KLF17: variants seen among roughly 807,000 people sequenced by gnomAD.
The protein encoded by KLF17 is KLF transcription factor 17, also known as Krueppel-like factor 17.
Under a neutral mutation model 34.2 loss-of-function variants are expected in KLF17, and 31 were observed. The ratio of observed to expected loss-of-function variants is 0.91; its 90% CI spans 0.68 to 1.22. The LOEUF (loss-of-function observed/expected upper bound fraction) is 1.22, where lower values mean the gene tolerates loss of function less well. Ranked by LOEUF, KLF17 falls within the 50% of genes most tolerant of loss-of-function variation. The pLI is 0.00. For missense variants in KLF17, 478 were observed against 505.2 expected (o/e 0.95, Z 0.52); for synonymous variants, 179 against 186.7 (o/e 0.96, Z 0.34).
the KLF17 span, among the ~76,000 whole-genome samples, chr1:44,080,404 A>C: frequency 6.7e-6 from 1 of 150,170 alleles, no homozygotes; most frequent in Admixed American, 6.6e-5. Context: ...ACCCCTGGCT[A>C]ATTTTTTATA....
the KLF17 span, chr1:44,103,715 G>C: frequency 2.0e-6 from 3 of 1,537,760 alleles, no homozygotes; most frequent in Non-Finnish European, 2.7e-6. Flanking sequence ...CCTCCAGCTC[G>C]GACAGCTTGG....
chr1:44,065,285 C>T, the KLF17 span, among the ~76,000 whole-genome samples: 1 of 142,340 alleles, frequency 7.0e-6, no homozygotes, highest in Non-Finnish European at 1.5e-5. Flanking sequence ...GAGACTCCAT[C>T]TAAAAAAAAA....
rs1044870557 is a variant in KLF17 at position 44,130,501 on chromosome 1, G to A, written c.926-11G>A. On this transcript the variant is annotated splice_polypyrimidine_tract_variant and intron_variant, in intron 2 of 3. Coordinates refer to ENST00000372299, the MANE Select transcript of KLF17 (RefSeq NM_173484.4). ...GTATTCTAAATTCCATCTCTCCCTT[G>A]TCATTCCCAGGTGAGAGGCCATATT... 1.9e-6 allele frequency: 3 copies of A among 1,613,834 alleles called. No individual in the cohort carries two copies. In the African/African-American group the frequency reaches 4.0e-5, roughly 22 times the overall value.
chr1:44,133,127 A>G (rs1445558522), intron 3 of KLF17, 111 bp from the exon 4 acceptor site: 2 of 152,272 alleles, frequency 1.3e-5, no homozygotes, highest in Admixed American at 1.3e-4. Context: ...GCCATGGGGA[A>G]GAGGAGCCCC....
chr1:44,095,142 C>T, the KLF17 span, among the ~76,000 whole-genome samples: 1 of 151,380 alleles, frequency 6.6e-6, no homozygotes, highest in South Asian at 2.1e-4. Context: ...ACCTCATGAT[C>T]CGCCCGCCTC....
the KLF17 span, among the ~76,000 whole-genome samples, chr1:44,093,949 G>A: frequency 6.6e-6 from 1 of 152,204 alleles, no homozygotes; most frequent in Non-Finnish European, 1.5e-5. Flanking sequence ...TGAAATGGAA[G>A]ACAGAGAAGA....
chr1:44,099,551 A>AGGTGAATCAGGAGTCGGGAGGCCAAGGCG, the KLF17 span, among the ~76,000 whole-genome samples: 1 of 150,608 alleles, frequency 6.6e-6, no homozygotes, highest in Non-Finnish European at 1.5e-5. Context: ...AGGCCAAGGC[A>AGGTGAATCAGGAGTCGGGAGGCCAAGGCG]GGTGAATCAG....
chr1:44,047,992 T>C, the KLF17 span: 2 of 129,134 alleles, frequency 1.5e-5, no homozygotes, highest in Admixed American at 7.7e-5. Flanking sequence ...TAAGAGAACA[T>C]TGTGTGTGTA....
At chr1:44,105,888 G>A in the KLF17 span, among the ~76,000 whole-genome samples, 5 of 152,132 alleles carry the variant, frequency 3.3e-5, no homozygotes, top group African/African-American at 1.2e-4. Flanking sequence ...CTGCAGCCAG[G>A]TTCAGTGGCT....
chr1:44,122,576 G>T (rs907230049), intron 1 of KLF17: 36 of 751,424 alleles, frequency 4.8e-5, no homozygotes, highest in Non-Finnish European at 8.0e-5. Context: ...AATACTGACC[G>T]ACTGCAGTAT....
chr1:44,124,147 T>C (rs2087980754), intron 1 of KLF17, among the ~76,000 whole-genome samples: 1 of 152,146 alleles, frequency 6.6e-6, no homozygotes, highest in African/African-American at 2.4e-5. Context: ...GGATCATGTT[T>C]TTAATCCATT....
At chr1:44,079,251 A>T in the KLF17 span, among the ~76,000 whole-genome samples, 1 of 151,644 alleles carries the variant, frequency 6.6e-6, no homozygotes, top group Non-Finnish European at 1.5e-5. Context: ...AGTTCTCTGC[A>T]CATATAATTT....
chr1:44,049,406 A>G, the KLF17 span, among the ~76,000 whole-genome samples: 1 of 152,168 alleles, frequency 6.6e-6, no homozygotes, highest in Admixed American at 6.5e-5. Context: ...GCCCTCCCCA[A>G]GGTGACCACT....
chr1:44,120,050 C>T (rs998645493), intron 1 of KLF17, among the ~76,000 whole-genome samples: 6 of 152,110 alleles, frequency 3.9e-5, no homozygotes, highest in African/African-American at 9.7e-5. Flanking sequence ...CATTGGTCCC[C>T]GGGTGGTGAG....
chr1:44,064,272 A>G, the KLF17 span, among the ~76,000 whole-genome samples: 1 of 152,194 alleles, frequency 6.6e-6, no homozygotes, highest in Admixed American at 6.5e-5. Context: ...TCATAAAAAG[A>G]TATATGCTTA....
the KLF17 span, among the ~76,000 whole-genome samples, chr1:44,057,987 A>G: frequency 6.6e-6 from 1 of 152,232 alleles, no homozygotes; most frequent in South Asian, 2.1e-4. Flanking sequence ...ACTTTCACCG[A>G]GTGGATAGAG....
chr1:44,098,508 C>A, the KLF17 span, among the ~76,000 whole-genome samples: 1 of 139,488 alleles, frequency 7.2e-6, no homozygotes, highest in African/African-American at 2.7e-5. Flanking sequence ...ATTTTTAAAT[C>A]TTTTTTGTGA....
At chr1:44,058,748 C>T in the KLF17 span, among the ~76,000 whole-genome samples, 5 of 130,782 alleles carry the variant, frequency 3.8e-5, no homozygotes, top group African/African-American at 8.7e-5. Context: ...AGTGCAGTGG[C>T]GCTGTCTCGG....
the KLF17 span, among the ~76,000 whole-genome samples, chr1:44,099,763 C>T: frequency 3.3e-5 from 5 of 150,032 alleles, no homozygotes; most frequent in Admixed American, 2.7e-4. Flanking sequence ...GTGGTTGAGC[C>T]GAGATTGCAC....
Sources: gnomAD v4.1 joint callset for allele counts (sites outside exome capture counted in the v4.1 genomes callset) on GRCh38, gnomAD v4.1.1 for gene constraint, MANE v1.5 for transcripts, NCBI Gene and HGNC (gene_info 2026-07-23, HGNC 2026-07-21) for gene names.